The following DLG2 variants were observed in gnomAD, a reference collection of about 807,000 sequenced individuals.
DLG2 encodes discs large MAGUK scaffold protein 2.
DLG2 carries 45 observed loss-of-function variants against 132.5 expected under a neutral mutation model. That is an observed-to-expected ratio of 0.34 (90% CI 0.27 to 0.44). The LOEUF is 0.44. Ranked by LOEUF, DLG2 falls within the 20% of genes least tolerant of loss-of-function variation. DLG2 has a pLI of 1.00. For synonymous variants in DLG2, 424 were observed against 419.6 expected, an observed-to-expected ratio of 1.01 and a Z score of -0.13; for missense variants, 1,045 against 1,196.9, an observed-to-expected ratio of 0.87 and a Z score of 1.87.
At chr11:83,680,393 C>T (rs1321245601) in intron 18 of DLG2, among the ~76,000 whole-genome samples, 1 of 152,074 alleles carries the variant, frequency 6.6e-6, no homozygotes, top group Admixed American at 6.6e-5. Flanking sequence ...CTTTTAGGAC[C>T]CTTCAGCTGT....
At chr11:85,371,058 C>A (rs1191711946) in intron 3 of DLG2, among the ~76,000 whole-genome samples, 1 of 152,036 alleles carries the variant, frequency 6.6e-6, no homozygotes, top group African/African-American at 2.4e-5. Flanking sequence ...TATTCACAGA[C>A]AATTGTCTTG....
chr11:85,250,506 T>C (rs1445629023), intron 4 of DLG2, among the ~76,000 whole-genome samples: 1 of 152,196 alleles, frequency 6.6e-6, no homozygotes, highest in Non-Finnish European at 1.5e-5. Context: ...TAACACAGTA[T>C]AAATTTACTA....
At chr11:84,192,440 G>T (rs1167829785) in intron 8 of DLG2, among the ~76,000 whole-genome samples, 1 of 152,054 alleles carries the variant, frequency 6.6e-6, no homozygotes, top group African/African-American at 2.4e-5. Context: ...GAAGAGATTG[G>T]CAAAGAAAGG....
At chr11:84,365,237 T>C (rs567178488) in intron 7 of DLG2, among the ~76,000 whole-genome samples, 44 of 152,308 alleles carry the variant, frequency 2.9e-4, no homozygotes, top group African/African-American at 9.4e-4. Flanking sequence ...TGGTTTAGTC[T>C]TGGGAGAGTG....
chr11:84,829,080 T>C (rs947747446), intron 6 of DLG2, among the ~76,000 whole-genome samples: 1 of 151,696 alleles, frequency 6.6e-6, no homozygotes, highest in Non-Finnish European at 1.5e-5. Context: ...AAGACATTTT[T>C]ATATAAGCCT....
intron 6 of DLG2, among the ~76,000 whole-genome samples, chr11:84,574,971 C>A (rs1014121202): frequency 6.6e-6 from 1 of 152,106 alleles, no homozygotes; most frequent in Non-Finnish European, 1.5e-5. Context: ...TTGAGATCAT[C>A]CCTCCTCACA....
At chr11:84,704,088 T>C (rs2059530827) in intron 6 of DLG2, among the ~76,000 whole-genome samples, 1 of 151,172 alleles carries the variant, frequency 6.6e-6, no homozygotes, top group Non-Finnish European at 1.5e-5. Context: ...ACAATATGTG[T>C]TTTAATATGC....
intron 9 of DLG2, among the ~76,000 whole-genome samples, chr11:84,100,357 G>C (rs2092417405): frequency 6.8e-6 from 1 of 147,020 alleles, no homozygotes; most frequent in African/African-American, 2.5e-5. Context: ...TCTAAAATTT[G>C]TATGTAAGGC....
chr11:83,860,367 C>T (rs953258712), intron 16 of DLG2, among the ~76,000 whole-genome samples: 5 of 152,168 alleles, frequency 3.3e-5, no homozygotes, highest in African/African-American at 1.2e-4. Flanking sequence ...CATGGGAACC[C>T]ACCTCTTACA....
At chr11:83,790,498 C>G (rs1594427464) in intron 17 of DLG2, 1 of 1,251,462 alleles carries the variant, frequency 8.0e-7, no homozygotes, top group Admixed American at 1.7e-5. Flanking sequence ...CTACTTTGCA[C>G]TGAGACATAA....
At chr11:83,661,775 C>T (rs1026452463) in intron 18 of DLG2, among the ~76,000 whole-genome samples, 28 of 152,096 alleles carry the variant, frequency 1.8e-4, no homozygotes, top group Admixed American at 1.1e-3. Context: ...CAAGTAAATC[C>T]GCTACACCTT....
chr11:84,328,806 T>C (rs898811397), intron 7 of DLG2, among the ~76,000 whole-genome samples: 5 of 152,240 alleles, frequency 3.3e-5, no homozygotes, highest in African/African-American at 1.2e-4. Context: ...TTGGTAAAGT[T>C]TATCCTAGCT....
intron 6 of DLG2, among the ~76,000 whole-genome samples, chr11:84,612,534 T>C (rs2099597221): frequency 6.6e-6 from 1 of 152,128 alleles, no homozygotes; most frequent in Non-Finnish European, 1.5e-5. Flanking sequence ...ACACTAAGTA[T>C]TATATAAATG....
At chr11:84,201,157 G>C (rs1471938224) in intron 8 of DLG2, among the ~76,000 whole-genome samples, 3 of 152,060 alleles carry the variant, frequency 2.0e-5, no homozygotes. Context: ...TAACATGTAG[G>C]GATGTTGAAT....
intron 16 of DLG2, among the ~76,000 whole-genome samples, chr11:83,846,077 C>A (rs1318044588): frequency 6.6e-6 from 1 of 152,148 alleles, no homozygotes; most frequent in African/African-American, 2.4e-5. Context: ...GATGAAAGAT[C>A]TCTGTGTTAA....
chr11:85,101,666 T>G (rs1318901615), intron 6 of DLG2, among the ~76,000 whole-genome samples: 4 of 152,080 alleles, frequency 2.6e-5, no homozygotes, highest in Admixed American at 6.6e-5. Context: ...TACAAATTAT[T>G]GAATCACCAT....
At chr11:85,043,820 C>G (rs1170318820) in intron 6 of DLG2, among the ~76,000 whole-genome samples, 1 of 151,676 alleles carries the variant, frequency 6.6e-6, no homozygotes, top group African/African-American at 2.4e-5. Context: ...TTCAGCTTAC[C>G]CAAATATGTG....
At chr11:83,829,488 T>C (rs2053855047) in intron 17 of DLG2, among the ~76,000 whole-genome samples, 1 of 152,150 alleles carries the variant, frequency 6.6e-6, no homozygotes, top group South Asian at 2.1e-4. Context: ...TGAGCCACTG[T>C]GCCCAGCTAG....
chr11:84,912,318 G>C (rs1338521329), intron 6 of DLG2, among the ~76,000 whole-genome samples: 1 of 152,088 alleles, frequency 6.6e-6, no homozygotes, highest in Admixed American at 6.6e-5. Context: ...ACCACGCCCG[G>C]CTACTTTTTT....
Sources: allele counts gnomAD v4.1 joint callset (sites outside exome capture counted in the v4.1 genomes callset), GRCh38; gene constraint gnomAD v4.1.1; transcripts MANE v1.5; gene names NCBI Gene and HGNC (gene_info 2026-07-23, HGNC 2026-07-21).